Variants in XKR9 observed in about 807,000 individuals in gnomAD.
XKR9 encodes the protein XK related 9, also known as XK-related protein 9.
XKR9 carries 32 observed loss-of-function variants against 32.0 expected under a neutral mutation model. That is an observed-to-expected ratio of 1.00 (90% CI 0.76 to 1.34). The LOEUF is 1.34. XKR9 is among the 40% of genes most tolerant of loss of function. The pLI, the probability that XKR9 is intolerant of heterozygous loss-of-function variation, is 0.00. For missense variants in XKR9, 546 were observed against 429.7 expected (o/e 1.27, Z -2.39); for synonymous variants, 168 against 143.4 (o/e 1.17, Z -1.22).
At chr8:70,983,202 G>A in the XKR9 span, among the ~76,000 whole-genome samples, 3 of 152,148 alleles carry the variant, frequency 2.0e-5, no homozygotes, top group Non-Finnish European at 4.4e-5. Context: ...TTGGTAAATA[G>A]CATTCTTTCC....
At chr8:71,054,472 T>C in the XKR9 span, among the ~76,000 whole-genome samples, 9 of 152,248 alleles carry the variant, frequency 5.9e-5, no homozygotes, top group African/African-American at 2.2e-4. Flanking sequence ...GTGATGCCTG[T>C]TTTTCTCTGC....
At chr8:71,021,331 A>C in the XKR9 span, among the ~76,000 whole-genome samples, 1 of 152,028 alleles carries the variant, frequency 6.6e-6, no homozygotes, top group South Asian at 2.1e-4. Context: ...TCTTTTGAGA[A>C]GTATCTGTTC....
At chr8:71,059,683 C>G in the XKR9 span, among the ~76,000 whole-genome samples, 1 of 152,194 alleles carries the variant, frequency 6.6e-6, no homozygotes, top group Non-Finnish European at 1.5e-5. Context: ...CTCTCTGCTT[C>G]CACTCCCCGC....
At chr8:70,791,708 A>T (rs1807766419), downstream of XKR9, among the ~76,000 whole-genome samples, 3 of 152,050 alleles carry the variant, frequency 2.0e-5, no homozygotes, top group Admixed American at 2.0e-4. Flanking sequence ...TGTACTTCCC[A>T]GCCTCCAGAA....
chr8:70,718,938 G>T lies in XKR9; in HGVS notation c.493+11785G>T, dbSNP rs182059029. Among the ~76,000 whole-genome samples the T allele has an allele frequency of 3.7e-4, 56 of 152,288 alleles. 1 individual carries two copies. The East Asian group carries it at 0.01, about 27-fold the overall frequency. On this transcript the variant is annotated intron_variant, in intron 4 of 4. Transcript: ENST00000408926. ...ACTAATTTACACTCCCACCAGCAGT[G>T]TAAAAGCATTCTTATTTCTCCAGAT...
the XKR9 span, among the ~76,000 whole-genome samples, chr8:70,854,675 A>G: frequency 6.6e-6 from 1 of 152,142 alleles, no homozygotes; most frequent in East Asian, 1.9e-4. Context: ...TTAAGTCTTT[A>G]ATCCATCTTG....
At chr8:70,709,432 G>C (rs1017824423) in intron 4 of XKR9, among the ~76,000 whole-genome samples, 2 of 152,144 alleles carry the variant, frequency 1.3e-5, no homozygotes, top group Admixed American at 1.3e-4. Flanking sequence ...GCTCCACATA[G>C]TGCTAGAAGT....
At chr8:70,869,300 T>C in the XKR9 span, among the ~76,000 whole-genome samples, 5 of 152,148 alleles carry the variant, frequency 3.3e-5, no homozygotes, top group Non-Finnish European at 5.9e-5. Flanking sequence ...AGGTAATTGA[T>C]ACAGGAAAAA....
the XKR9 span, among the ~76,000 whole-genome samples, chr8:70,880,970 A>T: frequency 6.6e-6 from 1 of 152,200 alleles, no homozygotes; most frequent in African/African-American, 2.4e-5. Flanking sequence ...AACATCACTC[A>T]TCTACAGCCA....
the XKR9 span, among the ~76,000 whole-genome samples, chr8:70,862,222 A>G: frequency 6.6e-6 from 1 of 152,048 alleles, no homozygotes; most frequent in Non-Finnish European, 1.5e-5. Context: ...TTTTATTTTT[A>G]TTTTTTATAT....
chr8:70,724,180 TGTC>T (rs1806379959), intron 4 of XKR9, among the ~76,000 whole-genome samples: 1 of 152,144 alleles, frequency 6.6e-6, no homozygotes, highest in Admixed American at 6.5e-5. Context: ...TCCTCAACAC[TGTC>T]AGGGGAAAGC....
the XKR9 span, among the ~76,000 whole-genome samples, chr8:71,005,374 C>A: frequency 6.6e-6 from 1 of 151,742 alleles, no homozygotes; most frequent in African/African-American, 2.4e-5. Context: ...AGGTGCCCAC[C>A]ACCACACCCA....
the XKR9 span, among the ~76,000 whole-genome samples, chr8:70,983,814 T>A: frequency 6.7e-6 from 1 of 148,444 alleles, no homozygotes; most frequent in Non-Finnish European, 1.5e-5. Flanking sequence ...AATAAATAAA[T>A]AAAATAAAAA....
At chr8:71,016,893 T>C in the XKR9 span, among the ~76,000 whole-genome samples, 8 of 152,226 alleles carry the variant, frequency 5.3e-5, no homozygotes, top group South Asian at 1.7e-3. Flanking sequence ...AAATAAAATA[T>C]GGATGTAGAT....
chr8:70,679,840 TACA>T lies in XKR9; in HGVS notation c.-278-937_-278-935del, dbSNP rs1053076116. Among the ~76,000 whole-genome samples the T allele has an allele frequency of 4.2e-4, 64 of 152,292 alleles. 1 individual carries two copies. The highest frequency in any genetic ancestry group is 1.4e-3 in the African/African-American group (57 of 41,568). ...AAGAATTAAATTGGGGCGTTTTATATACAACATTTTGCTCAGTGCTTGGCACAT... is the reference window on the plus strand; with the variant it reads ...AAGAATTAAATTGGGGCGTTTTATATACATTTTGCTCAGTGCTTGGCACAT... On this transcript the variant is annotated intron_variant, in intron 2 of 4. Coordinates refer to ENST00000408926, the MANE Select transcript of XKR9 (RefSeq NM_001011720.2).
intron 3 of XKR9, chr8:70,683,414 T>C (rs1246859317): frequency 2.8e-6 from 1 of 362,942 alleles, no homozygotes; most frequent in East Asian, 8.5e-5. Flanking sequence ...GAATTTTGTT[T>C]ATGTTTACCC....
chr8:70,935,208 T>TATACACAC, the XKR9 span, among the ~76,000 whole-genome samples: 3 of 145,480 alleles, frequency 2.1e-5, no homozygotes, highest in Non-Finnish European at 3.0e-5. Context: ...TATACATATA[T>TATACACAC]ACACACACAC....
the XKR9 span, among the ~76,000 whole-genome samples, chr8:70,951,093 CTT>C: frequency 1.3e-5 from 2 of 152,176 alleles, no homozygotes; most frequent in Non-Finnish European, 2.9e-5. Flanking sequence ...TTTAGTGACA[CTT>C]TTACTTCAGG....
the XKR9 span, among the ~76,000 whole-genome samples, chr8:71,008,733 C>G: frequency 6.6e-6 from 1 of 152,146 alleles, no homozygotes; most frequent in Non-Finnish European, 1.5e-5. Flanking sequence ...CTCATGCAAT[C>G]CTTCCTCCTC....
Sources: gnomAD v4.1 joint callset for allele counts (sites outside exome capture counted in the v4.1 genomes callset) on GRCh38, gnomAD v4.1.1 for gene constraint, MANE v1.5 for transcripts, NCBI Gene and HGNC (gene_info 2026-07-23, HGNC 2026-07-21) for gene names.